Variants in VAC14 observed in about 807,000 individuals in gnomAD.
The protein encoded by VAC14 is VAC14 component of PIKFYVE complex, also known as protein VAC14 homolog.
A neutral mutation model predicts 85.3 loss-of-function variants in VAC14; 47 were observed. The observed-to-expected ratio is 0.55, with a 90% confidence interval of 0.44 to 0.70. The LOEUF is 0.70. Ranked by LOEUF, VAC14 falls within the 30% of genes least tolerant of loss-of-function variation. VAC14 has a pLI of 0.00. For missense variants in VAC14, 861 were observed against 1,004.3 expected (o/e 0.86, Z 1.93); for synonymous variants, 447 against 430.5 (o/e 1.04, Z -0.47).
chr16:70,739,765 G>T (rs539289113), intron 13 of VAC14, among the ~76,000 whole-genome samples: 1 of 152,186 alleles, frequency 6.6e-6, no homozygotes, highest in African/African-American at 2.4e-5. Context: ...GGGGAAAATG[G>T]CTTTCTGGCT....
rs896627980 is a variant in VAC14 at position 70,745,360 on chromosome 16, C to T, written c.1372-781G>A. On this transcript the variant is annotated intron_variant, in intron 12 of 18. Coordinates refer to ENST00000261776, the MANE Select transcript of VAC14 (RefSeq NM_018052.5). The stretch of plus-strand genomic sequence containing the variant: ...CGTATCCTTAGAAGCTGCCTCTCCT[C>T]GCACAGCACCCATCTTTGCCTGGCA... Among the ~76,000 whole-genome samples the T allele has an allele frequency of 3.9e-5, 6 of 152,320 alleles. No individual in the cohort carries two copies. The East Asian group carries it at 1.2e-3, about 29-fold the overall frequency.
intron 1 of VAC14, among the ~76,000 whole-genome samples, chr16:70,790,230 A>T (rs970582481): frequency 5.3e-5 from 8 of 152,196 alleles, no homozygotes; most frequent in Non-Finnish European, 7.3e-5. Flanking sequence ...GGGCTCTATA[A>T]GGGTCAGCAT....
intron 12 of VAC14, among the ~76,000 whole-genome samples, chr16:70,750,456 G>A (rs2031289763): frequency 6.6e-6 from 1 of 152,118 alleles, no homozygotes; most frequent in Non-Finnish European, 1.5e-5. Context: ...GGCGGGGGTG[G>A]GGAAGGCCCA....
intron 12 of VAC14, chr16:70,755,217 A>G: frequency 2.9e-6 from 1 of 349,696 alleles, no homozygotes; most frequent in Non-Finnish European, 5.8e-6. Context: ...GGGCTTCTGG[A>G]CTGAGCCCTG....
In VAC14 at chr16:70,785,777, G is replaced by T; in HGVS notation, c.348C>A (p.Ala116=). 1.3e-6 allele frequency: 2 copies of T among 1,587,376 alleles called. No homozygotes were observed. Among genetic ancestry groups the T allele is most frequent in the Non-Finnish European group, 1.7e-6 (2 of 1,165,244 alleles). Residue 116 remains alanine (A), a synonymous_variant, in exon 3 of 19, where the codon GCC becomes GCA. Transcript: ENST00000261776. ...GGGCCACCTTGACGATGTTGTAGAG[G>T]GCCTCGCAGGCATAGTAGCGCAGCC... ...DSRLRYYACE[A]LYNIVKVARG... is the part of the protein sequence containing the mutation.
intron 12 of VAC14, chr16:70,761,323 T>C (rs950702335): frequency 1.5e-5 from 4 of 261,028 alleles, no homozygotes; most frequent in African/African-American, 2.4e-5. Context: ...TGTGGGCAGG[T>C]CTGTTGATTC....
intron 3 of VAC14, among the ~76,000 whole-genome samples, chr16:70,785,379 G>C (rs563314342): frequency 1.1e-4 from 17 of 152,384 alleles, no homozygotes; most frequent in Admixed American, 1.1e-3. Context: ...TAAAGGGAAA[G>C]TACGGTCTGG....
Position 70,781,980 on chromosome 16 carries a change from T to C in VAC14, c.835A>G (p.Met279Val), listed in dbSNP as rs1308840937. ...TTDDLIQLTA[M>V]CWMREFIQLA... Reference sequence around the variant, plus strand: ...TGGATGAACTCCCGCATCCAGCACATGGCTGTCAGCTGGATGAGGTCATCT... The same window carrying C: ...TGGATGAACTCCCGCATCCAGCACACGGCTGTCAGCTGGATGAGGTCATCT... Residue 279 changes from methionine (M) to valine (V), a missense_variant, in exon 8 of 19, where the codon ATG becomes GTG. Physicochemically the swap from Met to Val is conservative, Grantham distance 21. Transcript: ENST00000261776. 1 of 1,613,926 alleles carries C rather than the reference T, an allele frequency of 6.2e-7. No individual in the cohort carries two copies. Among genetic ancestry groups the C allele is most frequent in the East Asian group, 2.2e-5 (1 of 44,882 alleles).
At chr16:70,693,968 C>T (rs1037674929) in intron 17 of VAC14, among the ~76,000 whole-genome samples, 3 of 152,180 alleles carry the variant, frequency 2.0e-5, no homozygotes, top group African/African-American at 7.2e-5. Flanking sequence ...CCAGAAGAGA[C>T]CCCCACCACC....
At chr16:70,713,700 TTTG>T (rs1396554069) in intron 14 of VAC14, among the ~76,000 whole-genome samples, 1 of 125,478 alleles carries the variant, frequency 8.0e-6, no homozygotes, top group Non-Finnish European at 1.8e-5. Context: ...CAGGAGCATC[TTTG>T]TTTTTGTTTT....
rs538784197 is a variant in VAC14, at chr16:70,798,341, T to C, written c.104+2456A>G. On this transcript the variant is annotated intron_variant, in intron 1 of 18. Transcript: ENST00000261776. The stretch of plus-strand genomic sequence containing the variant: ...TGCCAATATTCGGACTCTTCTTTTG[T>C]TGGGCATCTGCAGTCTGATTAATGA... Among the ~76,000 whole-genome samples, 4 of 152,352 alleles carry C rather than the reference T, an allele frequency of 2.6e-5. No individual in the cohort carries two copies. The East Asian group carries it at 5.8e-4, about 22-fold the overall frequency.
Position 70,781,977 on chromosome 16 carries a change from A to C in VAC14, c.838T>G (p.Cys280Gly). 1 of 1,614,012 alleles carries C rather than the reference A, an allele frequency of 6.2e-7. No individual in the cohort carries two copies. The highest frequency in any genetic ancestry group is 8.5e-7 in the Non-Finnish European group (1 of 1,179,996). The change falls in exon 8 of 19, where the codon TGC becomes GGC. Residue 280 changes from cysteine to glycine, a missense_variant. Transcript: ENST00000261776. ...AGCTGGATGAACTCCCGCATCCAGC[A>C]CATGGCTGTCAGCTGGATGAGGTCA... ...TDDLIQLTAM[C>G]WMREFIQLAG...
At chr16:70,700,448 G>A (rs1013322186) in intron 14 of VAC14, among the ~76,000 whole-genome samples, 3 of 152,220 alleles carry the variant, frequency 2.0e-5, no homozygotes, top group Non-Finnish European at 4.4e-5. Context: ...AACTACCAGC[G>A]GTGTGATCTC....
At chr16:70,701,048 G>T (rs1238917212) in intron 14 of VAC14, among the ~76,000 whole-genome samples, 2 of 152,204 alleles carry the variant, frequency 1.3e-5, no homozygotes, top group Non-Finnish European at 2.9e-5. Context: ...AGAAGCTGGG[G>T]AATGCTGACT....
intron 14 of VAC14, among the ~76,000 whole-genome samples, chr16:70,703,683 C>A (rs1444962758): frequency 1.3e-5 from 2 of 152,206 alleles, no homozygotes; most frequent in African/African-American, 4.8e-5. Flanking sequence ...CTCCCCCTTC[C>A]AGGTCTGGTT....
intron 9 of VAC14, 29 bp downstream of exon 9, chr16:70,780,761 G>C (rs746328653): frequency 6.5e-7 from 1 of 1,548,102 alleles, no homozygotes; most frequent in Non-Finnish European, 8.7e-7. Flanking sequence ...CCCGACAGGA[G>C]GTGAGGTGTA....
At chr16:70,752,615 A>G (rs895470786) in intron 12 of VAC14, among the ~76,000 whole-genome samples, 10 of 152,374 alleles carry the variant, frequency 6.6e-5, no homozygotes, top group African/African-American at 2.2e-4. Flanking sequence ...CCTAGGGGCC[A>G]CGGCAGCCAG....
At chr16:70,736,731 C>T (rs953630983) in intron 13 of VAC14, among the ~76,000 whole-genome samples, 2 of 152,232 alleles carry the variant, frequency 1.3e-5, no homozygotes, top group African/African-American at 4.8e-5. Flanking sequence ...TTCACATCCT[C>T]AGCTGAGTGC....
intron 1 of VAC14, among the ~76,000 whole-genome samples, chr16:70,794,545 A>T (rs773981554): frequency 1.2e-4 from 18 of 152,222 alleles, no homozygotes; most frequent in Admixed American, 8.5e-4. Flanking sequence ...AGGAGGTAAA[A>T]CAGGCTCTGG....
Sources: allele counts gnomAD v4.1 joint callset (sites outside exome capture counted in the v4.1 genomes callset), GRCh38; gene constraint gnomAD v4.1.1; transcripts MANE v1.5; gene names NCBI Gene and HGNC (gene_info 2026-07-23, HGNC 2026-07-21).